Variants in PREX2 observed in about 807,000 individuals in gnomAD.
PREX2 encodes the protein phosphatidylinositol-3,4,5-trisphosphate dependent Rac exchange factor 2.
A neutral mutation model predicts 203.2 loss-of-function variants in PREX2; 107 were observed. That is an observed-to-expected ratio of 0.53 (90% confidence interval 0.45 to 0.62). The LOEUF (loss-of-function observed/expected upper bound fraction) is 0.62, where lower values mean the gene tolerates loss of function less well. Among genes scored for constraint, PREX2 ranks in the 20% least tolerant of loss-of-function variants. The pLI is 0.00. For missense variants in PREX2, 1,777 were observed against 1,955.9 expected (o/e 0.91, Z 1.72); for synonymous variants, 672 against 663.6 (o/e 1.01, Z -0.19).
intron 11 of PREX2, among the ~76,000 whole-genome samples, chr8:68,066,270 T>C (rs376064694): frequency 1.8e-4 from 27 of 152,132 alleles, no homozygotes; most frequent in East Asian, 1.7e-3. Flanking sequence ...ATATGGTAGT[T>C]CTATTTTTAG....
chr8:68,227,201 TA>T (rs1356187299), intron 39 of PREX2, among the ~76,000 whole-genome samples: 2 of 152,094 alleles, frequency 1.3e-5, no homozygotes, highest in East Asian at 3.9e-4. Flanking sequence ...AGCAGGAGCT[TA>T]AAAAAAATTA....
chr8:68,046,360 G>C (rs763931638), intron 8 of PREX2, among the ~76,000 whole-genome samples: 1 of 152,064 alleles, frequency 6.6e-6, no homozygotes, highest in Non-Finnish European at 1.5e-5. Context: ...AGGACCTTTG[G>C]AGGCATGGCC....
chr8:68,093,484 C>A, intron 20 of PREX2, 121 bp from the exon 21 acceptor site: 3 of 469,992 alleles, frequency 6.4e-6, no homozygotes, highest in Non-Finnish European at 1.2e-5. Flanking sequence ...AATTGTATCT[C>A]TCTTTCAAAT....
intron 33 of PREX2, among the ~76,000 whole-genome samples, chr8:68,144,875 T>A (rs1811294966): frequency 6.6e-6 from 1 of 152,210 alleles, no homozygotes; most frequent in South Asian, 2.1e-4. Context: ...TCTATGTTAG[T>A]TCTATAATAT....
Position 67,952,529 on chromosome 8 carries a change from G to A in PREX2, c.135G>A (p.Leu45=). 1 of 1,609,794 alleles carries A rather than the reference G, an allele frequency of 6.2e-7. No homozygotes were observed. Among genetic ancestry groups the A allele is most frequent in the Non-Finnish European group, 8.5e-7 (1 of 1,178,126 alleles). The part of the protein sequence containing the change: ...ERDYVGTLEF[L]VSAFLHRMNQ... ...ACTATGTGGGCACGCTGGAGTTCCTGGTGTCGGTGAGTGTCCCCGGCAGAC... is the reference window on the plus strand; with the variant it reads ...ACTATGTGGGCACGCTGGAGTTCCTAGTGTCGGTGAGTGTCCCCGGCAGAC... Residue 45 remains leucine, a synonymous_variant, in exon 1 of 40, where the codon CTG becomes CTA. Coordinates refer to ENST00000288368, the MANE Select transcript of PREX2 (RefSeq NM_024870.4).
chr8:68,070,111 A>T (rs1402096003), intron 13 of PREX2, among the ~76,000 whole-genome samples: 1 of 151,746 alleles, frequency 6.6e-6, no homozygotes, highest in Non-Finnish European at 1.5e-5. Flanking sequence ...TTATTTTGCC[A>T]TTAGTTCATA....
intron 35 of PREX2, among the ~76,000 whole-genome samples, chr8:68,165,375 T>A (rs969218430): frequency 7.2e-5 from 11 of 152,206 alleles, no homozygotes; most frequent in Admixed American, 2.0e-4. Flanking sequence ...TGGAGACCCA[T>A]CTTGTTCATT....
At chr8:68,131,453 C>A (rs1014451703) in intron 31 of PREX2, among the ~76,000 whole-genome samples, 1 of 152,132 alleles carries the variant, frequency 6.6e-6, no homozygotes, top group Non-Finnish European at 1.5e-5. Flanking sequence ...AGCTTGGATC[C>A]TCTAGTAGTT....
chr8:68,154,515 A>G (rs1811502328), intron 34 of PREX2, among the ~76,000 whole-genome samples: 1 of 152,226 alleles, frequency 6.6e-6, no homozygotes, highest in South Asian at 2.1e-4. Flanking sequence ...ATCTTGAAGT[A>G]TGACTATTGA....
At chr8:68,142,901 T>C (rs1232692649) in intron 33 of PREX2, among the ~76,000 whole-genome samples, 1 of 152,154 alleles carries the variant, frequency 6.6e-6, no homozygotes, top group East Asian at 1.9e-4. Context: ...TCTGCATTTT[T>C]CCCTCCAGTG....
chr8:67,991,907 CA>C (rs1806620122), intron 1 of PREX2, among the ~76,000 whole-genome samples: 1 of 152,186 alleles, frequency 6.6e-6, no homozygotes, highest in South Asian at 2.1e-4. Flanking sequence ...TATTTTTAAA[CA>C]GGAATCCTTC....
In PREX2 at chr8:68,108,206, G is replaced by A. The variant is rs2129612795; in HGVS notation, c.2813G>A (p.Cys938Tyr). Residue 938 changes from cysteine to tyrosine, a missense_variant, in exon 24 of 40, where the codon TGC (cysteine) becomes TAC (tyrosine). By Grantham distance (194) the Cys-to-Tyr change is radical (BLOSUM62 -2). Transcript: ENST00000288368. ...AGCAGTGATTTCTGCCCTACCAACT[G>A]CCATGTCAATGTGATGGAAGTTTCT... The part of the protein sequence containing the change: ...LHSSDFCPTN[C>Y]HVNVMEVSYP... The A allele has an allele frequency of 6.2e-7, 1 of 1,613,888 alleles. No individual in the cohort carries two copies. Among genetic ancestry groups the A allele is most frequent in the South Asian group, 1.1e-5 (1 of 91,074 alleles).
At chr8:68,077,857 G>A (rs768879417) in intron 15 of PREX2, among the ~76,000 whole-genome samples, 4 of 152,090 alleles carry the variant, frequency 2.6e-5, no homozygotes, top group Non-Finnish European at 5.9e-5. Context: ...ATAAATGACA[G>A]CATATGTGGT....
intron 16 of PREX2, 70 bp downstream of exon 16, chr8:68,080,655 G>A (rs1809492502): frequency 6.8e-7 from 1 of 1,460,578 alleles, no homozygotes; most frequent in Non-Finnish European, 9.4e-7. Context: ...CGTTAAACAT[G>A]TTTGACGGTG....
At chr8:68,135,084 GC>G (rs1811087092) in intron 32 of PREX2, among the ~76,000 whole-genome samples, 1 of 89,916 alleles carries the variant, frequency 1.1e-5, no homozygotes, top group African/African-American at 3.9e-5. Context: ...ACATGTTTGA[GC>G]TTAAAAACAA....
rs778306144 is a variant in PREX2 at position 68,133,003 on chromosome 8, A to G, written c.3767-1056A>G. On this transcript the variant is annotated intron_variant, in intron 31 of 39. Transcript: ENST00000288368. Reference sequence around the variant, plus strand: ...TCTATTTTCTCACTGCTATAAAGAAATACCTGAGATTGTGGGTACTTTATA... The same window carrying G: ...TCTATTTTCTCACTGCTATAAAGAAGTACCTGAGATTGTGGGTACTTTATA... Among the ~76,000 whole-genome samples, 85 of 152,304 alleles carry G rather than the reference A, an allele frequency of 5.6e-4. 1 individual carries two copies. Among genetic ancestry groups the G allele is most frequent in the Admixed American group, 2.5e-3 (38 of 15,288 alleles).
intron 23 of PREX2, chr8:68,102,763 A>C (rs531485129): frequency 6.0e-6 from 3 of 498,748 alleles, no homozygotes; most frequent in Non-Finnish European, 1.2e-5. Flanking sequence ...GTTGATTGCT[A>C]TAGTTTCTGT....
At chr8:68,036,470 G>C (rs1347605207) in intron 6 of PREX2, among the ~76,000 whole-genome samples, 1 of 152,068 alleles carries the variant, frequency 6.6e-6, no homozygotes, top group Non-Finnish European at 1.5e-5. Flanking sequence ...TATCATCCAG[G>C]GTTGGCTTAT....
intron 1 of PREX2, among the ~76,000 whole-genome samples, chr8:67,955,170 A>AAAAT (rs1554556251): frequency 1.5e-4 from 21 of 139,476 alleles, no homozygotes; most frequent in African/African-American, 1.9e-4. Context: ...AAAAAAAAAA[A>AAAAT]AGAAATCATA....
Sources: gnomAD v4.1 joint callset for allele counts (sites outside exome capture counted in the v4.1 genomes callset) on GRCh38, gnomAD v4.1.1 for gene constraint, MANE v1.5 for transcripts, NCBI Gene and HGNC (gene_info 2026-07-23, HGNC 2026-07-21) for gene names.